The following ULK4 variants were observed in gnomAD, a reference collection of about 807,000 sequenced individuals.
ULK4 encodes inactive serine/threonine-protein kinase ULK4.
A neutral mutation model predicts 160.6 loss-of-function variants in ULK4; 133 were observed. The observed-to-expected ratio is 0.83, with a 90% CI of 0.72 to 0.96. The LOEUF (loss-of-function observed/expected upper bound fraction) is 0.96. ULK4 is among the 40% of genes least tolerant of loss of function. The pLI is 0.00. For synonymous variants in ULK4, 534 were observed against 539.8 expected (o/e 0.99, Z 0.15); for missense variants, 1,580 against 1,499.5 (o/e 1.05, Z -0.89).
intron 21 of ULK4, among the ~76,000 whole-genome samples, chr3:41,783,812 A>G (rs181675984): frequency 1.4e-4 from 21 of 152,256 alleles, no homozygotes; most frequent in African/African-American, 5.1e-4. Flanking sequence ...CATCCAATAT[A>G]TTTCTCCCCA....
intron 2 of ULK4, among the ~76,000 whole-genome samples, chr3:41,952,331 T>C (rs923272509): frequency 1.3e-5 from 2 of 152,182 alleles, no homozygotes; most frequent in African/African-American, 4.8e-5. Flanking sequence ...CTAGAATATA[T>C]AGAGAAGTCG....
At chr3:41,540,826 A>G (rs1207404191) in intron 32 of ULK4, among the ~76,000 whole-genome samples, 1 of 152,204 alleles carries the variant, frequency 6.6e-6, no homozygotes, top group African/African-American at 2.4e-5. Flanking sequence ...GGCTGCATAA[A>G]TGTCTTCTTT....
In ULK4 at chr3:41,517,864, G is replaced by T. The variant is rs192966756; in HGVS notation, c.3226+48161C>A. ...GGTTTTGAACAAAGTATTTAGGTTG[G>T]TGCAAAGGTAATTGTGTAATTAAAG... On this transcript the variant is annotated intron_variant, in intron 32 of 36. Transcript: ENST00000301831. Among the ~76,000 whole-genome samples the T allele has an allele frequency of 3.4e-3, 512 of 152,246 alleles. 3 individuals carry two copies. The highest frequency in any genetic ancestry group is 0.012 in the African/African-American group (494 of 41,554).
At chr3:41,283,000 C>T (rs958121647) in intron 35 of ULK4, among the ~76,000 whole-genome samples, 8 of 152,202 alleles carry the variant, frequency 5.3e-5, no homozygotes, top group African/African-American at 1.7e-4. Flanking sequence ...TGAACAGACA[C>T]TTCTCAAAAG....
chr3:41,786,070 G>T (rs2039989239), intron 21 of ULK4, among the ~76,000 whole-genome samples: 2 of 152,138 alleles, frequency 1.3e-5, no homozygotes, highest in Non-Finnish European at 2.9e-5. Context: ...GGCTAATAAT[G>T]TGTGGCTCCA....
At chr3:41,941,755 C>CAAAAAAAAAAAAAAAA (rs565727539) in intron 2 of ULK4, among the ~76,000 whole-genome samples, 3 of 30,752 alleles carry the variant, frequency 9.8e-5, no homozygotes, top group Admixed American at 6.8e-4. Flanking sequence ...GACTCTGTCT[C>CAAAAAAAAAAAAAAAA]AAAAAAAAAA....
chr3:41,637,636 T>C (rs992806995), intron 30 of ULK4, among the ~76,000 whole-genome samples: 3 of 152,212 alleles, frequency 2.0e-5, no homozygotes, highest in African/African-American at 7.2e-5. Context: ...ATAATGGCTG[T>C]AACAATTTCC....
chr3:41,916,003 C>T lies in ULK4; in HGVS notation c.777G>A (p.Gly259=). 1.3e-6 allele frequency: 2 copies of T among 1,588,580 alleles called. No individual in the cohort carries two copies. Among genetic ancestry groups the T allele is most frequent in the Non-Finnish European group, 8.5e-7 (1 of 1,173,980 alleles). The part of the protein sequence containing the change: ...ASSDFINLLD[G]LLQRDPQKRL... ...TTTTCTGAGGATCTCTTTGAAGTAA[C>T]CCATCAAGCAAATTAATAAAATCTG... Residue 259 remains glycine (G), a synonymous_variant, in exon 8 of 37, where the codon GGG becomes GGA. Coordinates refer to ENST00000301831, the MANE Select transcript of ULK4 (RefSeq NM_017886.4).
chr3:41,746,600 C>A (rs1232618076), intron 22 of ULK4, among the ~76,000 whole-genome samples: 1 of 151,516 alleles, frequency 6.6e-6, no homozygotes. Flanking sequence ...TTAATGCAAG[C>A]CCAGCAAGGT....
At chr3:41,466,360 A>G (rs2083834333) in intron 32 of ULK4, among the ~76,000 whole-genome samples, 1 of 152,218 alleles carries the variant, frequency 6.6e-6, no homozygotes, top group African/African-American at 2.4e-5. Flanking sequence ...AGATATTTCT[A>G]ATGCCAGACT....
At chr3:41,935,692 T>G (rs1341648048) in intron 4 of ULK4, 109 bp downstream of exon 4, 1 of 1,313,770 alleles carries the variant, frequency 7.6e-7, no homozygotes, top group African/African-American at 1.5e-5. Context: ...TTAACTAAAA[T>G]TTCAAGATAT....
Position 41,295,195 on chromosome 3 carries a change from G to A in ULK4, c.3679-45621C>T, listed in dbSNP as rs905141247. Among the ~76,000 whole-genome samples, 5 of 75,662 alleles carry A rather than the reference G, an allele frequency of 6.6e-5. 2 individuals are homozygous for A. Among genetic ancestry groups the A allele is most frequent in the Non-Finnish European group, 1.3e-4 (4 of 29,700 alleles). 49.6% of individuals were successfully genotyped at this position (75,662 alleles called of 152,430 possible). ...TGAAGAGCAAAGGCAAAACAATGGA[G>A]CAAACATAGTTTTTTCAAGAAATAG... On this transcript the variant is annotated intron_variant, in intron 35 of 36. Transcript: ENST00000301831.
intron 31 of ULK4, among the ~76,000 whole-genome samples, chr3:41,594,411 G>A (rs1053050417): frequency 3.3e-5 from 5 of 151,946 alleles, no homozygotes; most frequent in Admixed American, 6.6e-5. Flanking sequence ...ATGGTGGCAC[G>A]TGCCTACAGT....
At chr3:41,893,819 C>T (rs1421610077) in intron 16 of ULK4, among the ~76,000 whole-genome samples, 6 of 151,700 alleles carry the variant, frequency 4.0e-5, no homozygotes, top group African/African-American at 1.5e-4. Flanking sequence ...TTTTTATATA[C>T]AAAACAAAAC....
chr3:41,772,279 G>C (rs1001409987), intron 21 of ULK4, among the ~76,000 whole-genome samples: 5 of 152,098 alleles, frequency 3.3e-5, no homozygotes, highest in Admixed American at 6.6e-5. Context: ...ATGAATCCAG[G>C]AGCTGGTTTT....
At chr3:41,494,734 T>G (rs931764056) in intron 32 of ULK4, among the ~76,000 whole-genome samples, 2 of 152,074 alleles carry the variant, frequency 1.3e-5, no homozygotes, top group African/African-American at 4.8e-5. Flanking sequence ...CAGCAAAGTC[T>G]CAGGATACAA....
chr3:41,462,860 C>A (rs1457608270), intron 33 of ULK4, among the ~76,000 whole-genome samples: 1 of 152,178 alleles, frequency 6.6e-6, no homozygotes, highest in African/African-American at 2.4e-5. Flanking sequence ...CTTGCTAAGT[C>A]TTTGCTTAGT....
rs111710280 is a variant in ULK4, at chr3:41,856,069, G to A, written c.1657-20098C>T. 4.7e-3 allele frequency among the ~76,000 whole-genome samples: 712 copies of A among 152,248 alleles called. 2 individuals are homozygous for A. The highest frequency in any genetic ancestry group is 8.0e-3 in the Non-Finnish European group (542 of 68,008). On this transcript the variant is annotated intron_variant, in intron 17 of 36. Coordinates refer to ENST00000301831, the MANE Select transcript of ULK4 (RefSeq NM_017886.4). ...TTTAAAGAATTCTTTGATGTGAGAT[G>A]TTTAATTTGTATGCAAAAGTGATTC... is the stretch of plus-strand genomic sequence containing the variant.
intron 31 of ULK4, among the ~76,000 whole-genome samples, chr3:41,614,787 A>G (rs964656868): frequency 6.6e-6 from 1 of 152,232 alleles, no homozygotes; most frequent in South Asian, 2.1e-4. Flanking sequence ...TTATAGAATA[A>G]TATTTTAAGA....
Sources: gnomAD v4.1 joint callset for allele counts (sites outside exome capture counted in the v4.1 genomes callset) on GRCh38, gnomAD v4.1.1 for gene constraint, MANE v1.5 for transcripts, NCBI Gene and HGNC (gene_info 2026-07-23, HGNC 2026-07-21) for gene names.